The following ERC2 variants were observed in gnomAD, a reference collection of about 807,000 sequenced individuals.
ERC2 encodes ERC protein 2.
Under a neutral mutation model 114.8 loss-of-function variants are expected in ERC2, and 42 were observed. The observed-to-expected ratio is 0.37, with a 90% confidence interval of 0.29 to 0.47. ERC2 has a LOEUF of 0.47. Among genes scored for constraint, ERC2 ranks in the 20% least tolerant of loss-of-function variants. The pLI is 0.99. For synonymous variants in ERC2, 454 were observed against 425.5 expected, an observed-to-expected ratio of 1.07 and a Z score of -0.82; for missense variants, 939 against 1,150.7, an observed-to-expected ratio of 0.82 and a Z score of 2.66.
chr3:56,208,103 C>T (rs2150114920), intron 3 of ERC2, among the ~76,000 whole-genome samples: 1 of 152,332 alleles, frequency 6.6e-6, no homozygotes, highest in Non-Finnish European at 1.5e-5. Flanking sequence ...AAGAATTTAT[C>T]AGATCCAGAC....
intron 3 of ERC2, among the ~76,000 whole-genome samples, chr3:56,202,625 A>T (rs551084766): frequency 5.5e-4 from 83 of 152,188 alleles, no homozygotes; most frequent in African/African-American, 1.8e-3. Flanking sequence ...ACATTGTGAA[A>T]TGATTGTCAC....
intron 11 of ERC2, among the ~76,000 whole-genome samples, chr3:55,990,684 G>C (rs987858328): frequency 5.9e-5 from 9 of 152,162 alleles, no homozygotes; most frequent in Admixed American, 2.6e-4. Flanking sequence ...CCAAAGTGCT[G>C]GGATTATAGA....
chr3:55,616,767 A>G (rs1181688781), intron 17 of ERC2, among the ~76,000 whole-genome samples: 1 of 152,026 alleles, frequency 6.6e-6, no homozygotes, highest in South Asian at 2.1e-4. Flanking sequence ...TAGAGAGGAA[A>G]TTCAAGGCAC....
chr3:56,226,241 T>C (rs1194026700), intron 3 of ERC2, among the ~76,000 whole-genome samples: 1 of 152,204 alleles, frequency 6.6e-6, no homozygotes, highest in South Asian at 2.1e-4. Context: ...CCAGCCCACA[T>C]GCAAGAAGAC....
intron 6 of ERC2, among the ~76,000 whole-genome samples, chr3:56,090,450 G>T (rs1411229850): frequency 6.6e-6 from 1 of 152,166 alleles, no homozygotes; most frequent in Non-Finnish European, 1.5e-5. Context: ...AGACAGTCAG[G>T]TTTGTGATTT....
At chr3:55,538,497 G>A (rs571517688) in intron 17 of ERC2, among the ~76,000 whole-genome samples, 3 of 152,300 alleles carry the variant, frequency 2.0e-5, no homozygotes, top group East Asian at 1.9e-4. Flanking sequence ...AGTTTGCTGC[G>A]CTAAATGGCT....
intron 17 of ERC2, among the ~76,000 whole-genome samples, chr3:55,669,979 G>A (rs2061497033): frequency 6.6e-6 from 1 of 152,224 alleles, no homozygotes; most frequent in Non-Finnish European, 1.5e-5. Context: ...ATGTAGAGTA[G>A]GTAGTGGTAG....
intron 4 of ERC2, among the ~76,000 whole-genome samples, chr3:56,154,427 G>A (rs2081587164): frequency 6.6e-6 from 1 of 152,060 alleles, no homozygotes; most frequent in African/African-American, 2.4e-5. Flanking sequence ...GTGCTTTGAT[G>A]TTTCTTTTCC....
chr3:56,007,040 G>A, intron 10 of ERC2, 141 bp downstream of exon 10: 2 of 704,772 alleles, frequency 2.8e-6, no homozygotes, highest in East Asian at 2.9e-5. Context: ...TAGCAATAAA[G>A]TTAAGAGTAT....
chr3:56,099,479 C>T (rs566622316), intron 6 of ERC2, among the ~76,000 whole-genome samples: 9 of 152,106 alleles, frequency 5.9e-5, no homozygotes, highest in South Asian at 2.1e-4. Flanking sequence ...GGGAGTGATA[C>T]GTAAACCAAC....
intron 14 of ERC2, among the ~76,000 whole-genome samples, chr3:55,760,809 T>C (rs1234562943): frequency 6.6e-6 from 1 of 152,198 alleles, no homozygotes; most frequent in Non-Finnish European, 1.5e-5. Context: ...ATAATAAGCA[T>C]ATGGAGTCAG....
chr3:56,002,083 C>T (rs2072118615), intron 10 of ERC2, among the ~76,000 whole-genome samples: 1 of 152,104 alleles, frequency 6.6e-6, no homozygotes, highest in Admixed American at 6.6e-5. Context: ...GATGCTCCAG[C>T]AGGGTTTTAG....
At chr3:56,115,483 CA>C (rs2149840274) in intron 6 of ERC2, among the ~76,000 whole-genome samples, 1 of 152,262 alleles carries the variant, frequency 6.6e-6, no homozygotes, top group South Asian at 2.1e-4. Context: ...GGGCTTATCA[CA>C]GGTAACAAAG....
chr3:55,880,685 C>T (rs1366868092), intron 14 of ERC2, among the ~76,000 whole-genome samples: 4 of 151,428 alleles, frequency 2.6e-5, no homozygotes, highest in Non-Finnish European at 4.4e-5. Flanking sequence ...AGATGACAAA[C>T]AGGACATTCT....
At chr3:56,345,140 A>G (rs1013382554) in intron 2 of ERC2, among the ~76,000 whole-genome samples, 9 of 152,228 alleles carry the variant, frequency 5.9e-5, no homozygotes, top group South Asian at 2.1e-4. Flanking sequence ...ATAAAACTTT[A>G]TTTACAGAAA....
At chr3:55,965,183 G>A (rs896246121) in intron 12 of ERC2, among the ~76,000 whole-genome samples, 4 of 152,112 alleles carry the variant, frequency 2.6e-5, no homozygotes, top group South Asian at 2.1e-4. Context: ...TGAAAACCAG[G>A]GGGTGGAGAT....
intron 17 of ERC2, among the ~76,000 whole-genome samples, chr3:55,627,518 CTGTT>C (rs1264874092): frequency 6.6e-6 from 1 of 151,982 alleles, no homozygotes; most frequent in Non-Finnish European, 1.5e-5. Context: ...TTCTCTGGGT[CTGTT>C]TAACAATCAT....
chr3:56,238,500 G>A (rs1407392088), intron 3 of ERC2, among the ~76,000 whole-genome samples: 2 of 152,166 alleles, frequency 1.3e-5, no homozygotes, highest in African/African-American at 4.8e-5. Context: ...AGGAGTCTTG[G>A]GCGTGGTTCC....
intron 2 of ERC2, among the ~76,000 whole-genome samples, chr3:56,302,152 C>G (rs2055920983): frequency 6.6e-6 from 1 of 152,116 alleles, no homozygotes; most frequent in South Asian, 2.1e-4. Flanking sequence ...AAATGACAGG[C>G]TCAAGAGCAG....
Sources: gnomAD v4.1 joint callset for allele counts (sites outside exome capture counted in the v4.1 genomes callset) on GRCh38, gnomAD v4.1.1 for gene constraint, MANE v1.5 for transcripts, NCBI Gene and HGNC (gene_info 2026-07-23, HGNC 2026-07-21) for gene names.